RP1: variants seen among roughly 807,000 people sequenced by gnomAD.
The protein encoded by RP1 is RP1 axonemal microtubule associated.
Under a neutral mutation model 14.8 loss-of-function variants are expected in RP1, and 16 were observed. The observed-to-expected ratio is 1.08, with a 90% CI of 0.73 to 1.65. RP1 has a LOEUF of 1.65. Among genes scored for constraint, RP1 ranks in the 40% most tolerant of loss-of-function variants. The pLI is 0.00. For missense variants in RP1, 2,631 were observed against 2,535.0 expected, an observed-to-expected ratio of 1.04 and a Z score of -0.81; for synonymous variants, 876 against 883.6, an observed-to-expected ratio of 0.99 and a Z score of 0.15.
intron 6 of RP1, among the ~76,000 whole-genome samples, chr8:54,660,077 T>A (rs1315039080): frequency 6.6e-6 from 1 of 152,170 alleles, no homozygotes; most frequent in Non-Finnish European, 1.5e-5. Flanking sequence ...TTTAACAATT[T>A]TTTTTGTGTG....
At chr8:54,738,901 A>G in intron 18 of RP1, 2 of 1,320,494 alleles carry the variant, frequency 1.5e-6, no homozygotes, top group Non-Finnish European at 2.0e-6. Context: ...TGCTTAATTT[A>G]AAAAATTCTG....
chr8:54,719,045 A>G (rs887928423), intron 15 of RP1, among the ~76,000 whole-genome samples: 4 of 152,162 alleles, frequency 2.6e-5, no homozygotes, highest in Non-Finnish European at 5.9e-5. Context: ...GTCTATGGTA[A>G]GGCCCAAACT....
chr8:54,843,007 C>A (rs1338179614), intron 25 of RP1, among the ~76,000 whole-genome samples: 2 of 152,166 alleles, frequency 1.3e-5, no homozygotes, highest in East Asian at 1.9e-4. Context: ...AGAAACTCCA[C>A]TCCCCTCCCA....
intron 28 of RP1, among the ~76,000 whole-genome samples, chr8:54,867,078 A>C (rs967488868): frequency 6.6e-6 from 1 of 152,208 alleles, no homozygotes; most frequent in Non-Finnish European, 1.5e-5. Context: ...GTAACGCTAC[A>C]TGAAGCTGGA....
At chr8:54,847,376 C>A (rs1811949040) in intron 25 of RP1, among the ~76,000 whole-genome samples, 1 of 151,928 alleles carries the variant, frequency 6.6e-6, no homozygotes, top group African/African-American at 2.4e-5. Context: ...GCCCCAGGGC[C>A]CTCAGGGCAA....
chr8:54,853,600 G>A (rs1376040167), intron 26 of RP1, among the ~76,000 whole-genome samples: 1 of 152,122 alleles, frequency 6.6e-6, no homozygotes, highest in Admixed American at 6.6e-5. Context: ...CACTGAGGTG[G>A]CTAAGGCAAG....
Position 54,630,402 on chromosome 8 carries a change from G to A in RP1, c.*49G>A, listed in dbSNP as rs188423409. The A allele has an allele frequency of 2.1e-5, 34 of 1,607,090 alleles. No homozygotes were observed. In the African/African-American group the frequency reaches 3.1e-4, roughly 15 times the overall value. On this transcript the variant is annotated 3_prime_UTR_variant, in exon 4 of 4. Transcript: ENST00000220676. ...TTTGTCAATTCATTTTTTCCCATGA[G>A]ATGAAGCACATGTGACGAATACGGA...
At chr8:54,693,137 G>A (rs1316130254) in intron 12 of RP1, among the ~76,000 whole-genome samples, 3 of 152,062 alleles carry the variant, frequency 2.0e-5, no homozygotes, top group East Asian at 1.9e-4. Flanking sequence ...TAGATATGAG[G>A]CATTATTTCT....
At chr8:54,808,288 T>C (rs1810907838) in intron 24 of RP1, among the ~76,000 whole-genome samples, 1 of 152,222 alleles carries the variant, frequency 6.6e-6, no homozygotes, top group African/African-American at 2.4e-5. Context: ...TCTAACTACC[T>C]GACTTCCCCG....
chr8:54,691,705 C>G (rs1384660676), intron 12 of RP1, among the ~76,000 whole-genome samples: 3 of 151,930 alleles, frequency 2.0e-5, no homozygotes, highest in Non-Finnish European at 4.4e-5. Context: ...AAAACTTCCC[C>G]TTTTCCTTGT....
intron 25 of RP1, among the ~76,000 whole-genome samples, chr8:54,842,137 G>T (rs1498175): frequency 6.6e-6 from 1 of 151,934 alleles, no homozygotes; most frequent in Non-Finnish European, 1.5e-5. Flanking sequence ...CTTTATCACA[G>T]TACTCGTCAA....
intron 1 of RP1, among the ~76,000 whole-genome samples, chr8:54,582,650 C>G (rs1445472367): frequency 6.6e-6 from 1 of 152,102 alleles, no homozygotes; most frequent in Non-Finnish European, 1.5e-5. Context: ...GAATGTTCTT[C>G]CATTTGTTTG....
intron 8 of RP1, chr8:54,673,948 A>C (rs1807237072): frequency 6.6e-7 from 1 of 1,507,526 alleles, no homozygotes; most frequent in Non-Finnish European, 8.9e-7. Context: ...TTCCACAGAG[A>C]GTTCATGAAG....
chr8:54,684,302 C>T (rs975934819), intron 12 of RP1, among the ~76,000 whole-genome samples: 1 of 152,042 alleles, frequency 6.6e-6, no homozygotes, highest in Non-Finnish European at 1.5e-5. Context: ...CCAGGTTTTG[C>T]TATCAGAATG....
rs565626567 is a variant in RP1, at chr8:54,693,967, G to A, written c.1718-5500G>A. On this transcript the variant is annotated intron_variant, in intron 12 of 22. Coordinates refer to the RP1 transcript ENST00000636932. ...ATTGGGTGTGGGTTTGTCATAGATA[G>A]CTCTTATTATTTTGAGATACATCCC... is the stretch of plus-strand genomic sequence containing the variant. 1.9e-3 allele frequency among the ~76,000 whole-genome samples: 285 copies of A among 152,178 alleles called. 1 individual carries two copies. The highest frequency in any genetic ancestry group is 7.5e-3 in the East Asian group (39 of 5,166).
At chr8:54,700,741 G>A (rs149175158) in intron 13 of RP1, among the ~76,000 whole-genome samples, 10 of 152,234 alleles carry the variant, frequency 6.6e-5, no homozygotes, top group Middle Eastern at 3.4e-3. Context: ...GTTACTATGG[G>A]ACTCATCTTG....
At chr8:54,826,463 C>A (rs191168430) in intron 24 of RP1, among the ~76,000 whole-genome samples, 402 of 152,294 alleles carry the variant, frequency 2.6e-3, no homozygotes, top group Admixed American at 4.6e-3. Flanking sequence ...TTCTTTGTTC[C>A]ATGATATTTC....
At chr8:54,702,013 T>A (rs913917150) in intron 14 of RP1, among the ~76,000 whole-genome samples, 1 of 152,238 alleles carries the variant, frequency 6.6e-6, no homozygotes, top group Admixed American at 6.5e-5. Context: ...GAGTGTTGTA[T>A]ACATTTGATC....
At chr8:54,817,812 TA>T (rs1360549677) in intron 24 of RP1, among the ~76,000 whole-genome samples, 4 of 152,222 alleles carry the variant, frequency 2.6e-5, no homozygotes, top group African/African-American at 9.6e-5. Context: ...TATTTTTCTC[TA>T]AAAATAATAT....
Sources: gnomAD v4.1 joint callset for allele counts (sites outside exome capture counted in the v4.1 genomes callset) on GRCh38, gnomAD v4.1.1 for gene constraint, MANE v1.5 for transcripts, NCBI Gene and HGNC (gene_info 2026-07-23, HGNC 2026-07-21) for gene names.